The following CIMAP2 variants were observed in gnomAD, a reference collection of about 807,000 sequenced individuals.
The protein encoded by CIMAP2 is ciliary microtubule-associated protein 2.
chr1:54,820,535 T>G, the CIMAP2 span, among the ~76,000 whole-genome samples: 3 of 152,110 alleles, frequency 2.0e-5, no homozygotes, highest in Middle Eastern at 3.2e-3. Context: ...TGTTCTAATT[T>G]GCATTCCCAC....
the CIMAP2 span, among the ~76,000 whole-genome samples, chr1:54,818,467 C>A: frequency 6.6e-6 from 1 of 151,766 alleles, no homozygotes; most frequent in Non-Finnish European, 1.5e-5. Flanking sequence ...ATCTACCCTA[C>A]TATTATTTTA....
At chr1:54,808,602 C>T in the CIMAP2 span, among the ~76,000 whole-genome samples, 1 of 76,260 alleles carries the variant, frequency 1.3e-5, no homozygotes, top group African/African-American at 4.0e-5. Flanking sequence ...GGTGTTATTC[C>T]AGGTGCTGCC....
At chr1:54,811,765 G>GCGGGGGGGGGGGGGGGCCCGCCCC in the CIMAP2 span, 1 of 1,301,332 alleles carries the variant, frequency 7.7e-7, no homozygotes, top group Non-Finnish European at 1.1e-6. Flanking sequence ...GGTTCTGACA[G>GCGGGGGGGGGGGGGGGCCCGCCCC]CCTCCATGCC....
chr1:54,840,247 G>GT, the CIMAP2 span, among the ~76,000 whole-genome samples: 1 of 152,162 alleles, frequency 6.6e-6, no homozygotes, highest in Non-Finnish European at 1.5e-5. Flanking sequence ...GTAGAATTTT[G>GT]TATCTTTTTC....
chr1:54,811,764 A>AGCGGGGGGGGGGGG, the CIMAP2 span: 10 of 1,097,910 alleles, frequency 9.1e-6, no homozygotes, highest in Non-Finnish European at 1.3e-5. Context: ...TGGTTCTGAC[A>AGCGGGGGGGGGGGG]GCCTCCATGC....
chr1:54,836,286 TGCCTGCCTGCCTGCCTGCCTGC>T, the CIMAP2 span, among the ~76,000 whole-genome samples: 1 of 96 alleles, frequency 0.01, no homozygotes, highest in African/African-American at 0.031. Context: ...CCTGCCCGCC[TGCCTGCCTGCCTGCCTGCCTGC>T]CTGCCTGCCT....
the CIMAP2 span, chr1:54,815,073 C>CT: frequency 6.2e-7 from 1 of 1,611,622 alleles, no homozygotes; most frequent in South Asian, 1.1e-5. Flanking sequence ...TACATGGGAA[C>CT]TCTCTCCTGC....
the CIMAP2 span, among the ~76,000 whole-genome samples, chr1:54,818,452 T>C: frequency 3.3e-5 from 5 of 152,266 alleles, no homozygotes; most frequent in South Asian, 1.0e-3. Flanking sequence ...AATTTTCTTG[T>C]CCTTATCTAC....
At chr1:54,817,816 A>G in the CIMAP2 span, among the ~76,000 whole-genome samples, 25 of 152,122 alleles carry the variant, frequency 1.6e-4, no homozygotes, top group East Asian at 4.4e-3. Context: ...ATGTAATTTT[A>G]AAGAATATTT....
the CIMAP2 span, among the ~76,000 whole-genome samples, chr1:54,827,484 C>T: frequency 1.1e-4 from 17 of 152,176 alleles, no homozygotes; most frequent in Non-Finnish European, 1.9e-4. Flanking sequence ...CAGCATTCTC[C>T]TTCACCACTG....
At chr1:54,811,772 T>TTCCCCCCCCCCCCCCCCCCCCC in the CIMAP2 span, 4 of 454,860 alleles carry the variant, frequency 8.8e-6, no homozygotes, top group Non-Finnish European at 1.3e-5. Context: ...ACAGCCTCCA[T>TTCCCCCCCCCCCCCCCCCCCCC]GCCCCCACCC....
the CIMAP2 span, among the ~76,000 whole-genome samples, chr1:54,815,300 G>A: frequency 9.2e-5 from 14 of 152,244 alleles, no homozygotes; most frequent in Admixed American, 9.2e-4. Context: ...TTCTGATACA[G>A]TAGGCCTGGG....
the CIMAP2 span, chr1:54,811,765 G>GCCGGGGGGGGGGGCCCCCCCCCCCC: frequency 2.6e-5 from 34 of 1,301,262 alleles, no homozygotes; most frequent in Non-Finnish European, 3.2e-5. Context: ...GGTTCTGACA[G>GCCGGGGGGGGGGGCCCCCCCCCCCC]CCTCCATGCC....
the CIMAP2 span, chr1:54,812,280 C>G: frequency 1.3e-6 from 2 of 1,543,534 alleles, no homozygotes; most frequent in Middle Eastern, 1.7e-4. Flanking sequence ...GCCTGTGTGC[C>G]AGGCTCTGCA....
At chr1:54,812,910 G>A in the CIMAP2 span, among the ~76,000 whole-genome samples, 2 of 152,136 alleles carry the variant, frequency 1.3e-5, no homozygotes, top group East Asian at 1.9e-4. Context: ...TGAGTGCTAC[G>A]GCAGAGCTCA....
At chr1:54,819,961 C>CTT in the CIMAP2 span, among the ~76,000 whole-genome samples, 28 of 103,548 alleles carry the variant, frequency 2.7e-4, no homozygotes, top group African/African-American at 9.6e-4. Context: ...CTTTCTTTCT[C>CTT]TTTTCTTTCT....
At chr1:54,806,582 C>T in the CIMAP2 span, among the ~76,000 whole-genome samples, 2 of 152,016 alleles carry the variant, frequency 1.3e-5, no homozygotes, top group African/African-American at 4.8e-5. Context: ...CTTCCATTCA[C>T]TCATATTCCA....
the CIMAP2 span, among the ~76,000 whole-genome samples, chr1:54,815,606 C>G: frequency 6.6e-6 from 1 of 152,140 alleles, no homozygotes; most frequent in Non-Finnish European, 1.5e-5. Context: ...TGCGATGTAT[C>G]TTTAGTTAGT....
At chr1:54,812,643 A>G in the CIMAP2 span, among the ~76,000 whole-genome samples, 30 of 152,068 alleles carry the variant, frequency 2.0e-4, no homozygotes, top group African/African-American at 7.3e-4. Context: ...CAGGAGGGGA[A>G]CTTGAGGTAG....
Sources: allele counts gnomAD v4.1 joint callset (sites outside exome capture counted in the v4.1 genomes callset), GRCh38; gene constraint gnomAD v4.1.1; transcripts MANE v1.5; gene names NCBI Gene and HGNC (gene_info 2026-07-23, HGNC 2026-07-21).